Variants in VCPIP1 observed in about 807,000 individuals in gnomAD.
The protein encoded by VCPIP1 is valosin containing protein interacting protein 1.
A neutral mutation model predicts 85.0 loss-of-function variants in VCPIP1; 8 were observed. That is an observed-to-expected ratio of 0.09 (90% CI 0.06 to 0.17). The LOEUF is 0.17. Ranked by LOEUF, VCPIP1 falls within the 10% of genes least tolerant of loss-of-function variation. The pLI is 1.00. For missense variants in VCPIP1, 1,070 were observed against 1,486.3 expected, an observed-to-expected ratio of 0.72 and a Z score of 4.61; for synonymous variants, 543 against 544.5, an observed-to-expected ratio of 1.00 and a Z score of 0.04.
chr8:66,640,688 C>T (rs1329718505), intron 2 of VCPIP1, among the ~76,000 whole-genome samples: 1 of 144,912 alleles, frequency 6.9e-6, no homozygotes, highest in East Asian at 2.0e-4. Context: ...AGAAAAGTAG[C>T]TTGACTTCAA....
At chr8:66,646,521 C>T (rs962983060) in intron 2 of VCPIP1, among the ~76,000 whole-genome samples, 11 of 152,234 alleles carry the variant, frequency 7.2e-5, no homozygotes, top group African/African-American at 2.2e-4. Flanking sequence ...ATAGGCCAGG[C>T]GCGGTGGTTC....
intron 2 of VCPIP1, among the ~76,000 whole-genome samples, chr8:66,650,394 G>A (rs1248497280): frequency 6.6e-6 from 1 of 152,142 alleles, no homozygotes; most frequent in Non-Finnish European, 1.5e-5. Context: ...CAGTGGCCAG[G>A]TAGGTGAAAT....
At chr8:66,642,605 T>G (rs1185458832) in intron 2 of VCPIP1, among the ~76,000 whole-genome samples, 1 of 152,156 alleles carries the variant, frequency 6.6e-6, no homozygotes, top group African/African-American at 2.4e-5. Context: ...GAGGCAGAGG[T>G]CAAACCTGAG....
At position 66,631,169 on chromosome 8, in the gene VCPIP1, A is replaced by T. The variant is rs928064778; in HGVS notation, c.*3332T>A. Reference sequence around the variant, plus strand: ...TTGCTTTGAGAACCATAAAACTCAAAATCTGTGTAGTATTTTAAGTATGAA... The same window carrying T: ...TTGCTTTGAGAACCATAAAACTCAATATCTGTGTAGTATTTTAAGTATGAA... On this transcript the variant is annotated 3_prime_UTR_variant, in exon 3 of 3. Transcript: ENST00000310421. The T allele has an allele frequency of 1.1e-4, 17 of 152,154 alleles. No homozygotes were observed. The highest frequency in any genetic ancestry group is 4.1e-4 in the African/African-American group (17 of 41,448). 9.4% of individuals were successfully genotyped at this position (152,154 alleles called of 1,614,324 possible).
At chr8:66,653,205 G>A (rs1377972767) in intron 1 of VCPIP1, among the ~76,000 whole-genome samples, 1 of 150,286 alleles carries the variant, frequency 6.7e-6, no homozygotes, top group Non-Finnish European at 1.5e-5. Flanking sequence ...ATTTAAGGAT[G>A]GACACACAGA....
Position 66,667,210 on chromosome 8 carries a change from T to TTTAATGATA in VCPIP1, c.-253_-252insTATCATTAA. On this transcript the variant is annotated 5_prime_UTR_variant, in exon 1 of 3. Transcript: ENST00000310421. The stretch of plus-strand genomic sequence containing the variant: ...ACCCCGCACTCACACTCACTCACTC[T>TTTAATGATA]CGCTCTCTCTCCCTCAGACACAGAC... 1 of 660,036 alleles carries TTTAATGATA rather than the reference T, an allele frequency of 1.5e-6. No homozygotes were observed. 40.9% of individuals were successfully genotyped at this position (660,036 alleles called of 1,614,324 possible).
intron 2 of VCPIP1, among the ~76,000 whole-genome samples, chr8:66,643,294 G>C (rs1196856975): frequency 1.3e-5 from 2 of 151,218 alleles, no homozygotes; most frequent in Non-Finnish European, 2.9e-5. Flanking sequence ...CTGCACTCCA[G>C]CCTAGGCAAT....
rs572290949 is a variant in VCPIP1 at position 66,637,216 on chromosome 8, T to C, written c.2798-1844A>G. 7.3e-5 allele frequency among the ~76,000 whole-genome samples: 11 copies of C among 151,654 alleles called. No homozygotes were observed. The South Asian group carries it at 2.3e-3, about 32-fold the overall frequency. The stretch of plus-strand genomic sequence containing the variant: ...AAAACAAAAGGTTAGCTGAGGGTGA[T>C]GGCATACACCTATAGTCTCAGCTTT... On this transcript the variant is annotated intron_variant, in intron 2 of 2. Coordinates refer to ENST00000310421, the MANE Select transcript of VCPIP1 (RefSeq NM_025054.5).
intron 1 of VCPIP1, among the ~76,000 whole-genome samples, chr8:66,661,953 G>T (rs562812840): frequency 6.7e-6 from 1 of 150,198 alleles, no homozygotes; most frequent in South Asian, 2.1e-4. Context: ...ATTTTTAGTA[G>T]AAACAGGGTT....
Position 66,628,953 on chromosome 8 carries a change from C to T in VCPIP1, c.*5548G>A, listed in dbSNP as rs2130134811. ...TGTCGGTTTGAGATTCTCAGTGTTG[C>T]ACATGGTCATAAATGTTTGAATGTA... On this transcript the variant is annotated 3_prime_UTR_variant, in exon 3 of 3. Transcript: ENST00000310421. The T allele has an allele frequency of 6.6e-6, 1 of 152,302 alleles. No homozygotes were observed. 9.4% of individuals were successfully genotyped at this position (152,302 alleles called of 1,614,324 possible).
intron 2 of VCPIP1, among the ~76,000 whole-genome samples, chr8:66,636,429 G>A (rs1475172693): frequency 6.6e-6 from 1 of 151,792 alleles, no homozygotes; most frequent in Non-Finnish European, 1.5e-5. Flanking sequence ...CTACCTGTTG[G>A]AAGTATATGC....
In VCPIP1 at chr8:66,644,321, C is replaced by T. The variant is rs1438951486; in HGVS notation, c.2797+7137G>A. Among the ~76,000 whole-genome samples the T allele has an allele frequency of 3.9e-5, 6 of 152,144 alleles. No individual in the cohort carries two copies. The East Asian group carries it at 1.2e-3, about 29-fold the overall frequency. ...TAATTATCCTTCCTGAACACAATCACAAAAACACTCAACAAAATATTAGCA... is the reference window on the plus strand; with the variant it reads ...TAATTATCCTTCCTGAACACAATCATAAAAACACTCAACAAAATATTAGCA... On this transcript the variant is annotated intron_variant, in intron 2 of 2. Coordinates refer to ENST00000310421, the MANE Select transcript of VCPIP1 (RefSeq NM_025054.5).
Position 66,629,364 on chromosome 8 carries a change from C to T in VCPIP1, c.*5137G>A, listed in dbSNP as rs1253619784. ...TGTATATTAAGCATATACAATAAAA[C>T]TTGGAAGTAAACGTGTTGACTGCTA... On this transcript the variant is annotated 3_prime_UTR_variant, in exon 3 of 3. Transcript: ENST00000310421. The T allele has an allele frequency of 6.6e-6, 1 of 152,132 alleles. No individual in the cohort carries two copies. Among genetic ancestry groups the T allele is most frequent in the African/African-American group, 2.4e-5 (1 of 41,432 alleles). The allele number at this position is 152,132 out of a possible 1,614,324, so 9.4% of individuals were successfully genotyped here.
At chr8:66,646,583 G>A (rs1810997650) in intron 2 of VCPIP1, among the ~76,000 whole-genome samples, 1 of 151,878 alleles carries the variant, frequency 6.6e-6, no homozygotes. Flanking sequence ...ATCACTTGAG[G>A]TCAGGAGTTT....
At chr8:66,662,597 A>T (rs1586630260) in intron 1 of VCPIP1, among the ~76,000 whole-genome samples, 2 of 152,148 alleles carry the variant, frequency 1.3e-5, no homozygotes, top group Admixed American at 1.3e-4. Context: ...CCACATTCTC[A>T]AGAGTCCATC....
intron 2 of VCPIP1, among the ~76,000 whole-genome samples, chr8:66,638,893 ATTCAT>A (rs894496776): frequency 9.9e-5 from 15 of 151,704 alleles, no homozygotes; most frequent in African/African-American, 2.9e-4. Flanking sequence ...TAAATTTGCC[ATTCAT>A]TTCTTCATTT....
rs1563564689 is a variant in VCPIP1, at chr8:66,631,599, T to C, written c.*2902A>G. 6.5e-6 allele frequency: 1 copy of C among 154,500 alleles called. No homozygotes were observed. Among genetic ancestry groups the C allele is most frequent in the Non-Finnish European group, 1.5e-5 (1 of 67,982 alleles). 9.6% of individuals were successfully genotyped at this position (154,500 alleles called of 1,614,324 possible). Reference sequence around the variant, plus strand: ...CCTGTGGCCAGGAATTACAGATGCATTTCAGATTGATATCTTAATTGCAAG... The same window carrying C: ...CCTGTGGCCAGGAATTACAGATGCACTTCAGATTGATATCTTAATTGCAAG... On this transcript the variant is annotated 3_prime_UTR_variant, in exon 3 of 3. Transcript: ENST00000310421.
Position 66,628,701 on chromosome 8 carries a change from A to T in VCPIP1, c.*5800T>A, listed in dbSNP as rs2130134430. The T allele has an allele frequency of 6.6e-6, 1 of 152,368 alleles. No homozygotes were observed. Among genetic ancestry groups the T allele is most frequent in the South Asian group, 2.1e-4 (1 of 4,824 alleles). 9.4% of individuals were successfully genotyped at this position (152,368 alleles called of 1,614,324 possible). A position where few individuals can be genotyped will look rare whatever the true frequency, so the allele number is the denominator to read the frequency against. ...ATGCATATACAAGACCTCAAGTCCAAGTTTGGGATAACTGTAGCCAACACC... is the reference window on the plus strand; with the variant it reads ...ATGCATATACAAGACCTCAAGTCCATGTTTGGGATAACTGTAGCCAACACC... On this transcript the variant is annotated 3_prime_UTR_variant, in exon 3 of 3. Coordinates refer to ENST00000310421, the MANE Select transcript of VCPIP1 (RefSeq NM_025054.5).
rs985188143 is a variant in VCPIP1 at position 66,665,474 on chromosome 8, T to G, written c.1485A>C (p.Ala495=). Residue 495 remains alanine (A), a synonymous_variant, in exon 1 of 3, where the codon GCA becomes GCC. Coordinates refer to ENST00000310421, the MANE Select transcript of VCPIP1 (RefSeq NM_025054.5). This position sits in a 1 kb window ranked among gnomAD's most constrained non-coding sequence, Gnocchi z 4.3. ...LAPGGKLYNL[A]KSTHGQLRTD... ...TCCTCAGCTGTCCATGAGTACTTTT[T>G]GCCAGGTTATACAATTTCCCTCCAG... The G allele has an allele frequency of 7.4e-6, 12 of 1,614,130 alleles. No individual in the cohort carries two copies. The highest frequency in any genetic ancestry group is 1.0e-5 in the Non-Finnish European group (12 of 1,180,050).
Sources: gnomAD v4.1 joint callset for allele counts (sites outside exome capture counted in the v4.1 genomes callset) on GRCh38, gnomAD v4.1.1 for gene constraint, Gnocchi (gnomAD v3.1) non-coding constraint, MANE v1.5 for transcripts, NCBI Gene and HGNC (gene_info 2026-07-23, HGNC 2026-07-21) for gene names.